The following MAF variants were observed in gnomAD, a reference collection of about 807,000 sequenced individuals.
The protein encoded by MAF is MAF bZIP transcription factor.
In MAF, 10 loss-of-function variants were observed where a neutral mutation model predicts 22.0. The observed-to-expected ratio is 0.45, with a 90% CI of 0.28 to 0.77. The LOEUF (loss-of-function observed/expected upper bound fraction) is 0.77. MAF is among the 30% of genes least tolerant of loss of function. The pLI, the probability that MAF is intolerant of heterozygous loss-of-function variation, is 0.12. For missense variants in MAF, 544 were observed against 548.4 expected, an observed-to-expected ratio of 0.99 and a Z score of 0.08; for synonymous variants, 337 against 255.8, an observed-to-expected ratio of 1.32 and a Z score of -3.03.
At chr16:79,433,175 G>A in the MAF span, among the ~76,000 whole-genome samples, 7 of 151,672 alleles carry the variant, frequency 4.6e-5, no homozygotes, top group Non-Finnish European at 8.8e-5. Context: ...ATCTTTCATT[G>A]CCAAAGGGTG....
chr16:79,381,344 C>A, the MAF span, among the ~76,000 whole-genome samples: 3 of 152,178 alleles, frequency 2.0e-5, no homozygotes, highest in Admixed American at 1.3e-4. Context: ...GACGGTCAGT[C>A]TGGAAAACAG....
the MAF span, among the ~76,000 whole-genome samples, chr16:79,430,801 G>A: frequency 2.6e-5 from 4 of 152,184 alleles, no homozygotes; most frequent in Non-Finnish European, 5.9e-5. Context: ...CCTTTTACAC[G>A]CATAGCTTTT....
At chr16:79,342,414 G>A in the MAF span, among the ~76,000 whole-genome samples, 4 of 152,158 alleles carry the variant, frequency 2.6e-5, no homozygotes, top group Non-Finnish European at 5.9e-5. Context: ...CTTGAATCTT[G>A]GACCCCCACT....
Position 79,594,328 on chromosome 16 carries a change from G to T in MAF, c.*132C>A. ...GCATAGTTAACTACTACATTTAATA[G>T]CCTTCTTCTCTAACACAGTAATTTT... On this transcript the variant is annotated 3_prime_UTR_variant, in exon 2 of 2. Transcript: ENST00000326043. 1.2e-6 allele frequency: 1 copy of T among 852,798 alleles called. No individual in the cohort carries two copies. The highest frequency in any genetic ancestry group is 2.9e-4 in the Middle Eastern group (1 of 3,402). The allele number at this position is 852,798 out of a possible 1,614,324, so 52.8% of individuals were successfully genotyped here.
chr16:79,584,028 T>C (rs1912690147), downstream of MAF, among the ~76,000 whole-genome samples: 1 of 152,184 alleles, frequency 6.6e-6, no homozygotes, highest in Admixed American at 6.5e-5. Context: ...AATAGAGATT[T>C]TAATCTTTTT....
At chr16:79,354,953 G>C in the MAF span, among the ~76,000 whole-genome samples, 1 of 150,702 alleles carries the variant, frequency 6.6e-6, no homozygotes, top group African/African-American at 2.5e-5. Context: ...CCAAGTGCTG[G>C]CAAAGCTCTT....
the MAF span, among the ~76,000 whole-genome samples, chr16:79,515,289 C>G: frequency 6.6e-6 from 1 of 152,226 alleles, no homozygotes; most frequent in African/African-American, 2.4e-5. Context: ...CATCAAAATA[C>G]AGATGGTGCC....
the MAF span, among the ~76,000 whole-genome samples, chr16:79,376,151 A>T: frequency 6.6e-6 from 1 of 152,104 alleles, no homozygotes; most frequent in African/African-American, 2.4e-5. Flanking sequence ...AAAAAGGTAA[A>T]TGTTACTTCT....
At chr16:79,479,805 T>G in the MAF span, among the ~76,000 whole-genome samples, 1 of 152,226 alleles carries the variant, frequency 6.6e-6, no homozygotes, top group Non-Finnish European at 1.5e-5. Flanking sequence ...TTGGCATTGT[T>G]GACCTCATGT....
chr16:79,587,544 CAT>C (rs1344573767), intron 1 of MAF, among the ~76,000 whole-genome samples: 1 of 152,056 alleles, frequency 6.6e-6, no homozygotes, highest in Non-Finnish European at 1.5e-5. Flanking sequence ...ACGTTGCAAA[CAT>C]ATGTTAAGCT....
At chr16:79,240,630 A>C in the MAF span, among the ~76,000 whole-genome samples, 2 of 151,674 alleles carry the variant, frequency 1.3e-5, no homozygotes, top group African/African-American at 2.4e-5. Context: ...CAGCAGACTT[A>C]AACGACCTGG....
At chr16:79,226,110 T>C in the MAF span, among the ~76,000 whole-genome samples, 1 of 152,066 alleles carries the variant, frequency 6.6e-6, no homozygotes, top group African/African-American at 2.4e-5. Flanking sequence ...TGCACAGTAG[T>C]AAAGACTTGG....
chr16:79,260,952 C>G, the MAF span, among the ~76,000 whole-genome samples: 5 of 152,052 alleles, frequency 3.3e-5, no homozygotes, highest in African/African-American at 1.2e-4. Context: ...AGAAAGATGG[C>G]TCAGGCAATA....
the MAF span, among the ~76,000 whole-genome samples, chr16:79,509,697 G>C: frequency 1.2e-3 from 183 of 152,338 alleles, no homozygotes; most frequent in African/African-American, 3.9e-3. Context: ...CCAGGGCCTG[G>C]CATGGCATTG....
the MAF span, among the ~76,000 whole-genome samples, chr16:79,513,596 G>A: frequency 2.6e-5 from 4 of 152,208 alleles, no homozygotes; most frequent in Non-Finnish European, 5.9e-5. Context: ...AGGAATTCTA[G>A]TTTTACCTTT....
the MAF span, among the ~76,000 whole-genome samples, chr16:79,438,533 T>C: frequency 6.6e-6 from 1 of 152,138 alleles, no homozygotes; most frequent in Admixed American, 6.5e-5. Context: ...TTATTTTGCG[T>C]CAGTGGCTCC....
the MAF span, among the ~76,000 whole-genome samples, chr16:79,530,337 G>T: frequency 6.6e-6 from 1 of 152,148 alleles, no homozygotes; most frequent in Admixed American, 6.5e-5. Context: ...CATGCATTCA[G>T]CTGTCCCAAC....
At chr16:79,346,185 C>G in the MAF span, among the ~76,000 whole-genome samples, 2 of 145,712 alleles carry the variant, frequency 1.4e-5, no homozygotes, top group South Asian at 2.2e-4. Flanking sequence ...CCGCTCCCCC[C>G]ACCCCACTAC....
At chr16:79,495,253 G>C in the MAF span, among the ~76,000 whole-genome samples, 2 of 152,120 alleles carry the variant, frequency 1.3e-5, no homozygotes, top group African/African-American at 4.8e-5. Flanking sequence ...CTTGAAACCA[G>C]CAGTTGGAGA....
Sources: gnomAD v4.1 joint callset for allele counts (sites outside exome capture counted in the v4.1 genomes callset) on GRCh38, gnomAD v4.1.1 for gene constraint, MANE v1.5 for transcripts, NCBI Gene and HGNC (gene_info 2026-07-23, HGNC 2026-07-21) for gene names.